Variants in TTC39B observed in about 807,000 individuals in gnomAD.
The protein encoded by TTC39B is tetratricopeptide repeat domain 39B.
Under a neutral mutation model 96.6 loss-of-function variants are expected in TTC39B, and 92 were observed. The observed-to-expected ratio is 0.95, with a 90% CI of 0.80 to 1.13. TTC39B has a LOEUF of 1.13. TTC39B is among the 50% of genes most tolerant of loss of function. The pLI is 0.00. For missense variants in TTC39B, 955 were observed against 809.3 expected (o/e 1.18, Z -2.18); for synonymous variants, 367 against 299.4 (o/e 1.23, Z -2.33).
chr9:15,271,689 G>A (rs988781187), intron 1 of TTC39B, among the ~76,000 whole-genome samples: 7 of 152,144 alleles, frequency 4.6e-5, no homozygotes, highest in African/African-American at 1.4e-4. Context: ...CCAGTCCACG[G>A]CTCAGGCATT....
intron 17 of TTC39B, among the ~76,000 whole-genome samples, chr9:15,179,990 A>ATGATT (rs1415754539): frequency 6.6e-6 from 1 of 152,236 alleles, no homozygotes; most frequent in Non-Finnish European, 1.5e-5. Flanking sequence ...ATGCTTTGTC[A>ATGATT]TGATTTTCAA....
intron 1 of TTC39B, among the ~76,000 whole-genome samples, chr9:15,282,031 C>G (rs80137366): frequency 3.3e-5 from 5 of 152,058 alleles, no homozygotes; most frequent in African/African-American, 1.2e-4. Context: ...TACCGTAAAA[C>G]AAATTAACTT....
intron 1 of TTC39B, among the ~76,000 whole-genome samples, chr9:15,269,461 C>A (rs1381754857): frequency 6.6e-6 from 1 of 152,196 alleles, no homozygotes; most frequent in Non-Finnish European, 1.5e-5. Context: ...GGAAAGGGGG[C>A]TAGGGATCTT....
exon 20 of TTC39B, chr9:15,166,527 C>T (rs1352825936): frequency 2.0e-5 from 3 of 152,204 alleles, no homozygotes; most frequent in African/African-American, 7.2e-5. Flanking sequence ...TCTAAGAGGA[C>T]AGTCTGTCAA....
exon 2 of TTC39B, chr9:15,267,948 C>A: frequency 6.2e-7 from 1 of 1,610,184 alleles, no homozygotes; most frequent in Non-Finnish European, 8.5e-7. Flanking sequence ...TCGAAAACGT[C>A]CTGGGGGAAA....
chr9:15,181,371 C>T (rs116211917), intron 17 of TTC39B, among the ~76,000 whole-genome samples: 1 of 152,130 alleles, frequency 6.6e-6, no homozygotes. Context: ...AGAAATACAA[C>T]AAAGGCTATC....
chr9:15,225,022 G>GTTTGT (rs1821045666), intron 3 of TTC39B, among the ~76,000 whole-genome samples: 1 of 152,126 alleles, frequency 6.6e-6, no homozygotes, highest in African/African-American at 2.4e-5. Flanking sequence ...TCTAAGGATG[G>GTTTGT]ATGAAAAGTA....
At chr9:15,268,066 G>T in intron 1 of TTC39B, 118 bp from the exon 2 acceptor site, 1 of 774,912 alleles carries the variant, frequency 1.3e-6, no homozygotes, top group Non-Finnish European at 2.1e-6. Flanking sequence ...GGAAGGTATA[G>T]CAGGCAGTAG....
At chr9:15,216,282 T>G (rs1484828388) in intron 3 of TTC39B, among the ~76,000 whole-genome samples, 1 of 152,204 alleles carries the variant, frequency 6.6e-6, no homozygotes, top group African/African-American at 2.4e-5. Flanking sequence ...CGACAATACC[T>G]AGAACATATT....
intron 17 of TTC39B, among the ~76,000 whole-genome samples, chr9:15,180,216 T>C (rs934788734): frequency 3.3e-5 from 5 of 152,202 alleles, no homozygotes; most frequent in Non-Finnish European, 2.9e-5. Context: ...AGAAGCTAGC[T>C]GAAATGGCCC....
chr9:15,295,351 G>A (rs138237509), intron 1 of TTC39B, among the ~76,000 whole-genome samples: 96 of 152,292 alleles, frequency 6.3e-4, no homozygotes, highest in African/African-American at 2.3e-3. Context: ...CAGGAGGTGG[G>A]CAGGCTGCAT....
chr9:15,185,838 C>G (rs1434574364), intron 15 of TTC39B, among the ~76,000 whole-genome samples: 2 of 152,116 alleles, frequency 1.3e-5, no homozygotes, highest in Non-Finnish European at 2.9e-5. Flanking sequence ...GGTATATGGC[C>G]TATTCCTATT....
In TTC39B at chr9:15,210,166, T is replaced by C. The variant is rs1172261213; in HGVS notation, c.615-2A>G. The C allele has an allele frequency of 1.4e-5, 22 of 1,555,648 alleles. No individual in the cohort carries two copies. The highest frequency in any genetic ancestry group is 1.9e-5 in the Non-Finnish European group (22 of 1,147,990). On this transcript the variant is annotated splice_acceptor_variant, in intron 5 of 19. Coordinates refer to ENST00000512701, the Ensembl canonical transcript of TTC39B. LOFTEE classifies it high-confidence loss of function. Reference sequence around the variant, plus strand: ...ACAACTGTGTATTTTTTCCTGTATCTACATTGAATAAATAAAAAGGGAGAT... The same window carrying C: ...ACAACTGTGTATTTTTTCCTGTATCCACATTGAATAAATAAAAAGGGAGAT...
At chr9:15,250,556 T>C (rs1300400109) in intron 2 of TTC39B, among the ~76,000 whole-genome samples, 1 of 152,218 alleles carries the variant, frequency 6.6e-6, no homozygotes, top group Non-Finnish European at 1.5e-5. Flanking sequence ...TTTAGATTAA[T>C]GCACAAAAGT....
intron 19 of TTC39B, among the ~76,000 whole-genome samples, chr9:15,173,115 T>C (rs1817747771): frequency 2.0e-5 from 3 of 152,314 alleles, no homozygotes; most frequent in African/African-American, 7.2e-5. Context: ...ACTAGTCTTT[T>C]ATTTTTATCT....
At chr9:15,177,418 G>A (rs1044731396) in intron 18 of TTC39B, among the ~76,000 whole-genome samples, 1 of 152,132 alleles carries the variant, frequency 6.6e-6, no homozygotes, top group Admixed American at 6.5e-5. Flanking sequence ...TCAGTATGAT[G>A]CTGCCAGAGT....
rs568396889 is a variant in TTC39B at position 15,302,460 on chromosome 9, CA to C, written c.240+4623del. Among the ~76,000 whole-genome samples the C allele has an allele frequency of 1.2e-4, 15 of 123,364 alleles. No individual in the cohort carries two copies. In the East Asian group the frequency reaches 3.8e-3, roughly 31 times the overall value. 80.9% of individuals were successfully genotyped at this position (123,364 alleles called of 152,430 possible). ...TGAAACCTCGTCTCTACTAAAAATA[CA>C]AAAAAATTAGCCGGGTGTGGTGGCA... On this transcript the variant is annotated intron_variant, in intron 1 of 19. Coordinates refer to ENST00000512701, the Ensembl canonical transcript of TTC39B.
At chr9:15,200,365 A>G (rs1819463111) in intron 7 of TTC39B, among the ~76,000 whole-genome samples, 2 of 152,222 alleles carry the variant, frequency 1.3e-5, no homozygotes, top group Middle Eastern at 3.2e-3. Context: ...TTCACAGAGT[A>G]CTTTAGCAGT....
intron 2 of TTC39B, among the ~76,000 whole-genome samples, chr9:15,243,864 G>C (rs1051907390): frequency 5.9e-5 from 9 of 152,210 alleles, no homozygotes; most frequent in African/African-American, 2.2e-4. Context: ...GCACTGTGAA[G>C]TGCACAGGCT....
Sources: gnomAD v4.1 joint callset for allele counts (sites outside exome capture counted in the v4.1 genomes callset) on GRCh38, gnomAD v4.1.1 for gene constraint, MANE v1.5 for transcripts, NCBI Gene and HGNC (gene_info 2026-07-23, HGNC 2026-07-21) for gene names.